CAPN7: variants seen among roughly 807,000 people sequenced by gnomAD.
The protein encoded by CAPN7 is calpain 7.
A neutral mutation model predicts 115.2 loss-of-function variants in CAPN7; 72 were observed. The ratio of observed to expected loss-of-function variants is 0.63; its 90% confidence interval spans 0.52 to 0.76. The LOEUF (loss-of-function observed/expected upper bound fraction) is 0.76, where lower values mean the gene tolerates loss of function less well. Among genes scored for constraint, CAPN7 ranks in the 30% least tolerant of loss-of-function variants. The pLI is 0.00. For synonymous variants in CAPN7, 344 were observed against 322.3 expected, an observed-to-expected ratio of 1.07 and a Z score of -0.72; for missense variants, 905 against 971.5, an observed-to-expected ratio of 0.93 and a Z score of 0.91.
At chr3:15,238,849 A>T (rs1441125884) in intron 12 of CAPN7, among the ~76,000 whole-genome samples, 25 of 113,998 alleles carry the variant, frequency 2.2e-4, no homozygotes, top group African/African-American at 6.2e-4. Context: ...GCAAAATCAA[A>T]TTTTTTTTTT....
chr3:15,217,712 C>G, intron 3 of CAPN7, 130 bp downstream of exon 3: 2 of 645,982 alleles, frequency 3.1e-6, no homozygotes, highest in Non-Finnish European at 4.8e-6. Context: ...AATGTAACAA[C>G]TACTCCTCAA....
At chr3:15,246,584 C>G (rs1695671767) in intron 17 of CAPN7, 148 bp from the exon 18 acceptor site, 2 of 620,318 alleles carry the variant, frequency 3.2e-6, no homozygotes, top group Non-Finnish European at 5.7e-6. Flanking sequence ...TTCTCAGTTC[C>G]CAGCTCATTA....
At chr3:15,221,728 G>A (rs1256463522) in intron 5 of CAPN7, among the ~76,000 whole-genome samples, 2 of 151,992 alleles carry the variant, frequency 1.3e-5, no homozygotes, top group East Asian at 3.9e-4. Context: ...CCAGCATTTT[G>A]GGAGGCAGAG....
Position 15,232,593 on chromosome 3 carries a change from A to G in CAPN7, c.1107A>G (p.Glu369=). The change falls in exon 10 of 21, where the codon GAA becomes GAG. Residue 369 remains glutamate (E), a synonymous_variant. Coordinates refer to ENST00000253693, the MANE Select transcript of CAPN7 (RefSeq NM_014296.3). ...LLCSYSNNKS[E]LWVSLIEKAY... The stretch of plus-strand genomic sequence containing the variant: ...GTTCTTATTCCAACAACAAAAGTGA[A>G]TTATGGGTTTCTCTCATAGAAAAAG... 2 of 1,613,004 alleles carry G rather than the reference A, an allele frequency of 1.2e-6. No homozygotes were observed. The highest frequency in any genetic ancestry group is 1.3e-5 in the African/African-American group (1 of 74,972).
intron 2 of CAPN7, 46 bp downstream of exon 2, chr3:15,212,258 C>A: frequency 9.8e-7 from 1 of 1,023,164 alleles, no homozygotes; most frequent in Non-Finnish European, 1.5e-6. Flanking sequence ...TTTCTTTTCT[C>A]CCATCATGTC....
chr3:15,211,614 G>A (rs2044955057), intron 1 of CAPN7, among the ~76,000 whole-genome samples: 1 of 152,084 alleles, frequency 6.6e-6, no homozygotes, highest in Admixed American at 6.6e-5. Context: ...TATGATTTGG[G>A]CCAGGTGTGG....
intron 9 of CAPN7, among the ~76,000 whole-genome samples, chr3:15,230,844 A>T (rs968910719): frequency 5.1e-4 from 78 of 152,358 alleles, no homozygotes; most frequent in African/African-American, 1.8e-3. Context: ...TGTTTTGATT[A>T]AAAGGAAATC....
intron 14 of CAPN7, 23 bp from the exon 15 acceptor site, chr3:15,241,427 CCTT>C (rs770130940): frequency 6.2e-7 from 1 of 1,603,590 alleles, no homozygotes; most frequent in Non-Finnish European, 8.5e-7. Context: ...TTAATTACAA[CCTT>C]CTTTGTTGAC....
At chr3:15,249,438 TAATG>T (rs1316368693) in intron 19 of CAPN7, among the ~76,000 whole-genome samples, 1 of 152,200 alleles carries the variant, frequency 6.6e-6, no homozygotes, top group Non-Finnish European at 1.5e-5. Flanking sequence ...CATTTTAAAA[TAATG>T]AATCTGTCTT....
intron 12 of CAPN7, among the ~76,000 whole-genome samples, chr3:15,238,342 C>T (rs1018152778): frequency 1.3e-5 from 2 of 151,910 alleles, no homozygotes; most frequent in Non-Finnish European, 2.9e-5. Context: ...TCTCGATCTC[C>T]TGACCTCATG....
chr3:15,221,962 AAAT>A (rs1575180698), intron 5 of CAPN7, among the ~76,000 whole-genome samples: 2 of 152,152 alleles, frequency 1.3e-5, no homozygotes, highest in Middle Eastern at 3.4e-3. Flanking sequence ...TCAAAAAAAA[AAAT>A]ATGTGTGTAT....
chr3:15,251,301 A>G lies in CAPN7; in HGVS notation c.*41A>G. ...TTACTGGCTTTTATACTTACCAAAC[A>G]TCAGTTCTTCAAATAAGGACGCAAA... On this transcript the variant is annotated 3_prime_UTR_variant, in exon 21 of 21. Transcript: ENST00000253693. The G allele has an allele frequency of 4.6e-6, 7 of 1,509,438 alleles. No homozygotes were observed. The highest frequency in any genetic ancestry group is 1.3e-5 in the South Asian group (1 of 78,786). The allele number at this position is 1,509,438 out of a possible 1,614,324, so 93.5% of individuals were successfully genotyped here.
chr3:15,218,390 TA>T, intron 3 of CAPN7, 82 bp from the exon 4 acceptor site: 1 of 952,464 alleles, frequency 1.0e-6, no homozygotes, highest in Non-Finnish European at 1.7e-6. Flanking sequence ...ATATGCATTG[TA>T]AATTTTTTGC....
Position 15,233,894 on chromosome 3 carries a change from TG to T in CAPN7, c.1209del (p.Trp403Ter). On this transcript the variant is annotated frameshift_variant, in exon 11 of 21. Transcript: ENST00000253693. LOFTEE classifies it high-confidence loss of function. ...TATTGATCTTCATGCACTGACTGGC[TG>T]GATACCAGAAAGAATTGCTATGCAT... ...SNIDLHALTG[W>X]IPERIAMHSD... 6.2e-7 allele frequency: 1 copy of T among 1,604,170 alleles called. No homozygotes were observed. The highest frequency in any genetic ancestry group is 8.5e-7 in the Non-Finnish European group (1 of 1,171,860).
At chr3:15,238,349 C>T (rs1470581241) in intron 12 of CAPN7, among the ~76,000 whole-genome samples, 1 of 151,966 alleles carries the variant, frequency 6.6e-6, no homozygotes. Flanking sequence ...CTCCTGACCT[C>T]ATGATCCACC....
intron 18 of CAPN7, 118 bp from the exon 19 acceptor site, chr3:15,247,209 G>GT (rs1428069907): frequency 2.8e-6 from 2 of 726,780 alleles, no homozygotes; most frequent in Non-Finnish European, 4.4e-6. Flanking sequence ...GGAGAGAGGG[G>GT]TTGGAGACAC....
At chr3:15,218,431 ATAAT>A (rs1693769705) in intron 3 of CAPN7, 38 bp from the exon 4 acceptor site, 2 of 1,461,900 alleles carry the variant, frequency 1.4e-6, no homozygotes, top group African/African-American at 2.8e-5. Context: ...AAATTGAAAA[ATAAT>A]TATGCTTTAA....
intron 1 of CAPN7, among the ~76,000 whole-genome samples, chr3:15,210,596 C>CTTTTTTTTTTTTTTTTTTT (rs371169868): frequency 7.7e-5 from 8 of 104,426 alleles, no homozygotes; most frequent in African/African-American, 1.8e-4. Context: ...TGCTTCCTTC[C>CTTTTTTTTTTTTTTTTTTT]TTTTTTTTTT....
chr3:15,231,057 G>A (rs927545212), intron 9 of CAPN7, among the ~76,000 whole-genome samples: 1 of 152,178 alleles, frequency 6.6e-6, no homozygotes, highest in African/African-American at 2.4e-5. Flanking sequence ...GATCCATGCA[G>A]CAACATCAGC....
Sources: allele counts gnomAD v4.1 joint callset (sites outside exome capture counted in the v4.1 genomes callset), GRCh38; gene constraint gnomAD v4.1.1; transcripts MANE v1.5; gene names NCBI Gene and HGNC (gene_info 2026-07-23, HGNC 2026-07-21).